The following CYP2E1 variants were observed in gnomAD, a reference collection of about 807,000 sequenced individuals.
The protein encoded by CYP2E1 is cytochrome P450 2E1.
CYP2E1 carries 31 observed loss-of-function variants against 42.9 expected under a neutral mutation model. That is an observed-to-expected ratio of 0.72 (90% confidence interval 0.54 to 0.98). The LOEUF is 0.98. Among genes scored for constraint, CYP2E1 ranks in the 50% least tolerant of loss-of-function variants. The probability of loss-of-function intolerance (pLI) is 0.00; values close to 1 mark genes in which losing one functional copy is unlikely to be tolerated. For missense variants in CYP2E1, 565 were observed against 633.2 expected, an observed-to-expected ratio of 0.89 and a Z score of 1.16; for synonymous variants, 244 against 248.9, an observed-to-expected ratio of 0.98 and a Z score of 0.19.
At chr10:133,531,766 C>A (rs1428760349) in intron 3 of CYP2E1, 32 bp downstream of exon 3, 1 of 1,551,592 alleles carries the variant, frequency 6.4e-7, no homozygotes, top group African/African-American at 1.4e-5. Flanking sequence ...GGGCCCAGTC[C>A]TCTTGCAGAC....
chr10:133,535,556 A>G (rs553082199), intron 6 of CYP2E1, among the ~76,000 whole-genome samples: 1 of 152,306 alleles, frequency 6.6e-6, no homozygotes, highest in East Asian at 1.9e-4. Context: ...TGCAGTGATT[A>G]TAAGAGAACT....
chr10:133,528,037 C>CA (rs1277435414), intron 1 of CYP2E1: 1 of 224,046 alleles, frequency 4.5e-6, no homozygotes, highest in African/African-American at 2.3e-5. Context: ...CAGCACGGAG[C>CA]AGGCGCTGGG....
intron 6 of CYP2E1, among the ~76,000 whole-genome samples, chr10:133,535,899 C>G (rs1002432599): frequency 3.3e-5 from 5 of 152,154 alleles, no homozygotes; most frequent in African/African-American, 1.2e-4. Context: ...TAATATTTTA[C>G]CTGGGTACTG....
chr10:133,538,309 G>T lies in CYP2E1; in HGVS notation c.1297+417G>T, dbSNP rs1297869790. Among the ~76,000 whole-genome samples, 3 of 152,156 alleles carry T rather than the reference G, an allele frequency of 2.0e-5. No individual in the cohort carries two copies. In the East Asian group the frequency reaches 5.8e-4, roughly 29 times the overall value. On this transcript the variant is annotated intron_variant, in intron 8 of 8. Transcript: ENST00000252945. The stretch of plus-strand genomic sequence containing the variant: ...CACAGGAAGCATCAAAGCCTTCCTG[G>T]GATGTGACTCAGTGATTTTCTTTGA...
intron 8 of CYP2E1, 132 bp downstream of exon 8, chr10:133,538,024 T>G: frequency 1.3e-6 from 1 of 794,000 alleles, no homozygotes; most frequent in East Asian, 2.7e-5. Flanking sequence ...CTGTTTCTAT[T>G]GACAACATGA....
Position 133,533,769 on chromosome 10 carries a change from C to T in CYP2E1, c.839C>T (p.Ala280Val), listed in dbSNP as rs751192911. Residue 280 changes from alanine to valine, a missense_variant, in exon 6 of 9, where the codon GCA becomes GTA. Coordinates refer to ENST00000252945, the MANE Select transcript of CYP2E1 (RefSeq NM_000773.4). ...LVEMEKEKHS[A>V]ERLYTMDGIT... ...CCGGTATCACAGGAAAAGCACAGTG[C>T]AGAGCGCTTGTACACAATGGACGGT... 7 of 1,614,156 alleles carry T rather than the reference C, an allele frequency of 4.3e-6. No homozygotes were observed. The highest frequency in any genetic ancestry group is 4.2e-6 in the Non-Finnish European group (5 of 1,180,020).
chr10:133,535,188 G>A (rs1413058456), intron 6 of CYP2E1, among the ~76,000 whole-genome samples: 1 of 152,080 alleles, frequency 6.6e-6, no homozygotes, highest in African/African-American at 2.4e-5. Flanking sequence ...CAAAAAAGTA[G>A]CCGGGTGTGG....
rs764575539 is a variant in CYP2E1, at chr10:133,528,524, C to T, written c.221C>T (p.Ser74Leu). 17 of 1,613,322 alleles carry T rather than the reference C, an allele frequency of 1.1e-5. No individual in the cohort carries two copies. Among genetic ancestry groups the T allele is most frequent in the Admixed American group, 1.7e-5 (1 of 60,008 alleles). Reference sequence around the variant, plus strand: ...CCGGTGTTCACGCTGTACGTGGGCTCGCAGCGCATGGTGGTGATGCACGGC... The same window carrying T: ...CCGGTGTTCACGCTGTACGTGGGCTTGCAGCGCATGGTGGTGATGCACGGC... ...FGPVFTLYVGSQRMVVMHGYK... is the reference protein window; with the variant it reads ...FGPVFTLYVGLQRMVVMHGYK... Residue 74 changes from serine to leucine, a missense_variant, in exon 2 of 9, where the codon TCG becomes TTG. By Grantham distance (145) the Ser-to-Leu change is moderately radical (BLOSUM62 -2). Coordinates refer to ENST00000252945, the MANE Select transcript of CYP2E1 (RefSeq NM_000773.4).
At chr10:133,528,787 C>A in intron 2 of CYP2E1, 147 bp downstream of exon 2, 1 of 1,096,470 alleles carries the variant, frequency 9.1e-7, no homozygotes, top group Non-Finnish European at 1.3e-6. Flanking sequence ...AGGATTAGGG[C>A]GATGGCCCCC....
chr10:133,532,944 C>T, intron 5 of CYP2E1, 76 bp downstream of exon 5: 1 of 1,364,822 alleles, frequency 7.3e-7, no homozygotes, highest in African/African-American at 1.5e-5. Context: ...ACAGAGTGAG[C>T]TGCACTTGCT....
chr10:133,536,516 G>T (rs1851399606), intron 6 of CYP2E1, among the ~76,000 whole-genome samples: 2 of 111,634 alleles, frequency 1.8e-5, no homozygotes, highest in Non-Finnish European at 4.3e-5. Flanking sequence ...TGGGTGGATG[G>T]GTGGATGGTT....
At chr10:133,538,200 C>G (rs1325624619) in intron 8 of CYP2E1, among the ~76,000 whole-genome samples, 2 of 152,044 alleles carry the variant, frequency 1.3e-5, no homozygotes, top group African/African-American at 4.8e-5. Context: ...TAGTGAAAAG[C>G]TCTCAAAGCC....
intron 6 of CYP2E1, among the ~76,000 whole-genome samples, chr10:133,534,311 T>G (rs1158183503): frequency 6.6e-6 from 1 of 152,106 alleles, no homozygotes; most frequent in African/African-American, 2.4e-5. Context: ...GGCGTCTTCC[T>G]CAAATGCGGA....
At chr10:133,533,951 C>T in intron 6 of CYP2E1, 54 bp downstream of exon 6, 2 of 1,592,238 alleles carry the variant, frequency 1.3e-6, no homozygotes, top group South Asian at 2.2e-5. Flanking sequence ...CCCTGGATGG[C>T]CAGCCTTGCA....
intron 6 of CYP2E1, among the ~76,000 whole-genome samples, chr10:133,534,471 T>C (rs1014226795): frequency 6.6e-6 from 1 of 152,122 alleles, no homozygotes; most frequent in Non-Finnish European, 1.5e-5. Context: ...CAGAGGGTCA[T>C]GCCCTGAGAA....
chr10:133,532,690 A>T lies in CYP2E1; in HGVS notation c.649-2A>T, dbSNP rs1172180599. The T allele has an allele frequency of 6.3e-7, 1 of 1,588,022 alleles. No homozygotes were observed. The highest frequency in any genetic ancestry group is 1.9e-5 in the Admixed American group (1 of 53,144). On this transcript the variant is annotated splice_acceptor_variant, in intron 4 of 8. Coordinates refer to ENST00000252945, the MANE Select transcript of CYP2E1 (RefSeq NM_000773.4). LOFTEE classifies it high-confidence loss of function. ...TAGTAAAATATTTTTTTCCCTCTCTAGCTTTACAATAATTTTCCCAGCTTT... is the reference window on the plus strand; with the variant it reads ...TAGTAAAATATTTTTTTCCCTCTCTTGCTTTACAATAATTTTCCCAGCTTT...
chr10:133,533,111 C>T (rs925471057), intron 5 of CYP2E1, among the ~76,000 whole-genome samples: 11 of 152,186 alleles, frequency 7.2e-5, no homozygotes. Context: ...CCAGGCCCTG[C>T]TGCTCAACCC....
intron 6 of CYP2E1, 92 bp from the exon 7 acceptor site, chr10:133,536,971 A>T (rs1851413181): frequency 6.6e-5 from 36 of 544,836 alleles, no homozygotes; most frequent in Non-Finnish European, 1.1e-4. Flanking sequence ...CAGATGGATA[A>T]AAGCGTGATT....
chr10:133,537,876 C>T lies in CYP2E1; in HGVS notation c.1281C>T (p.Phe427=). The T allele has an allele frequency of 1.2e-6, 2 of 1,613,756 alleles. No homozygotes were observed. Among genetic ancestry groups the T allele is most frequent in the Non-Finnish European group, 1.7e-6 (2 of 1,179,830 alleles). The change falls in exon 8 of 9, where the codon TTC becomes TTT. Residue 427 remains phenylalanine (F), a synonymous_variant. Coordinates refer to ENST00000252945, the MANE Select transcript of CYP2E1 (RefSeq NM_000773.4). ...GAAAGTTCAAGTACAGTGACTATTT[C>T]AAGCCATTTTCCACAGGTGAGAAAG... ...ENGKFKYSDY[F]KPFSTGKRVC... is the part of the protein sequence containing the mutation.
Sources: gnomAD v4.1 joint callset for allele counts (sites outside exome capture counted in the v4.1 genomes callset) on GRCh38, gnomAD v4.1.1 for gene constraint, MANE v1.5 for transcripts, NCBI Gene and HGNC (gene_info 2026-07-23, HGNC 2026-07-21) for gene names.